The following GMDS variants were observed in gnomAD, a reference collection of about 807,000 sequenced individuals.
The protein encoded by GMDS is GDP-mannose 4,6-dehydratase.
In GMDS, 20 loss-of-function variants were observed where a neutral mutation model predicts 49.9. That is an observed-to-expected ratio of 0.40 (90% CI 0.28 to 0.58). GMDS has a LOEUF of 0.58. Ranked by LOEUF, GMDS falls within the 20% of genes least tolerant of loss-of-function variation. GMDS has a pLI of 0.42. For missense variants in GMDS, 362 were observed against 481.4 expected, an observed-to-expected ratio of 0.75 and a Z score of 2.32; for synonymous variants, 177 against 178.6, an observed-to-expected ratio of 0.99 and a Z score of 0.07.
chr6:2,234,045 G>A (rs143852322), intron 1 of GMDS, among the ~76,000 whole-genome samples: 24 of 152,276 alleles, frequency 1.6e-4, no homozygotes, highest in African/African-American at 5.5e-4. Flanking sequence ...TAGGGATACA[G>A]CAGTAAAATA....
chr6:2,158,256 A>G (rs896824733), intron 1 of GMDS, among the ~76,000 whole-genome samples: 5 of 152,184 alleles, frequency 3.3e-5, no homozygotes, highest in Non-Finnish European at 7.3e-5. Context: ...TTTAAAAACA[A>G]TAGCAAAATA....
chr6:2,117,910 C>T (rs1774935062), intron 2 of GMDS, among the ~76,000 whole-genome samples: 1 of 152,122 alleles, frequency 6.6e-6, no homozygotes, highest in Admixed American at 6.5e-5. Flanking sequence ...CATTCGAGGC[C>T]GTGTCGGTAA....
intron 4 of GMDS, among the ~76,000 whole-genome samples, chr6:2,008,169 T>C (rs1453477763): frequency 6.6e-6 from 1 of 152,216 alleles, no homozygotes; most frequent in Non-Finnish European, 1.5e-5. Flanking sequence ...AAATCATATC[T>C]TTCTCATCAT....
At chr6:1,675,319 AT>A (rs57418452) in intron 9 of GMDS, among the ~76,000 whole-genome samples, 78,533 of 146,070 alleles carry the variant, frequency 0.54, 20,579 homozygotes, top group East Asian at 0.6. Flanking sequence ...TAGTTCCAGG[AT>A]TTTTTTTTTT....
chr6:1,624,697 C>T (rs557109686), intron 9 of GMDS, 157 bp from the exon 10 acceptor site: 175 of 618,258 alleles, frequency 2.8e-4, no homozygotes, highest in Admixed American at 5.5e-4. Context: ...TCAGTTGCGG[C>T]TCTCGGCGCC....
At chr6:1,853,314 C>A (rs900708532) in intron 7 of GMDS, among the ~76,000 whole-genome samples, 1 of 151,152 alleles carries the variant, frequency 6.6e-6, no homozygotes, top group African/African-American at 2.4e-5. Flanking sequence ...GTCAGGAGAT[C>A]GAGACCATCC....
intron 4 of GMDS, among the ~76,000 whole-genome samples, chr6:2,085,447 C>A (rs1772956745): frequency 6.6e-6 from 1 of 152,084 alleles, no homozygotes; most frequent in Admixed American, 6.6e-5. Flanking sequence ...GTCTGTGCAC[C>A]TTACCTTACA....
rs2113166187 is a variant in GMDS at position 1,635,973 on chromosome 6, A to G, written c.988-11433T>C. On this transcript the variant is annotated intron_variant, in intron 9 of 10. Transcript: ENST00000380815. This position sits in a 1 kb window ranked among gnomAD's most constrained non-coding sequence, Gnocchi z 4.7. Reference sequence around the variant, plus strand: ...TCACAAGGCACTTTTCCTACGTCGCATTTCCAGAGTAACCTGCCACCGTGG... The same window carrying G: ...TCACAAGGCACTTTTCCTACGTCGCGTTTCCAGAGTAACCTGCCACCGTGG... 6.6e-6 allele frequency among the ~76,000 whole-genome samples: 1 copy of G among 152,208 alleles called. No homozygotes were observed. The highest frequency in any genetic ancestry group is 1.9e-4 in the East Asian group (1 of 5,180).
rs780438027 is a variant in GMDS, at chr6:1,745,363, TG to T, written c.772-2778del. Among the ~76,000 whole-genome samples the T allele has an allele frequency of 8.3e-4, 113 of 136,474 alleles. 1 individual carries two copies. The Middle Eastern group carries it at 0.011, about 14-fold the overall frequency. 89.5% of individuals were successfully genotyped at this position (136,474 alleles called of 152,430 possible). A position where few individuals can be genotyped will look rare whatever the true frequency, so the allele number is the denominator to read the frequency against. On this transcript the variant is annotated intron_variant, in intron 7 of 10. Coordinates refer to ENST00000380815, the MANE Select transcript of GMDS (RefSeq NM_001500.4). ...GAGAAACATGACTGTTGGCTACTGG[TG>T]GGTCACTTGGAGAAACTTGACTGTT... is the stretch of plus-strand genomic sequence containing the variant.
chr6:1,757,997 T>A (rs1468501040), intron 7 of GMDS, among the ~76,000 whole-genome samples: 2 of 152,206 alleles, frequency 1.3e-5, no homozygotes, highest in African/African-American at 4.8e-5. Context: ...CTGTCTTTTG[T>A]CCTCACAGGA....
intron 7 of GMDS, among the ~76,000 whole-genome samples, chr6:1,858,055 C>T (rs112966873): frequency 4.6e-4 from 70 of 152,112 alleles, no homozygotes; most frequent in African/African-American, 1.6e-3. Flanking sequence ...ATTATACTTA[C>T]GAAGATCTAT....
chr6:1,649,975 T>C (rs1047211089), intron 9 of GMDS, among the ~76,000 whole-genome samples: 8 of 152,232 alleles, frequency 5.3e-5, no homozygotes, highest in Middle Eastern at 3.2e-3. Flanking sequence ...GGCCAGTGAA[T>C]GTGCACCTTG....
chr6:1,869,578 A>G lies in GMDS; in HGVS notation c.771+60525T>C, dbSNP rs371181940. On this transcript the variant is annotated intron_variant, in intron 7 of 10. Coordinates refer to ENST00000380815, the MANE Select transcript of GMDS (RefSeq NM_001500.4). ...AACTGTTGATCTGCATAAGAACCAC[A>G]GCCTTCAGATATTCAGGCAGTTTCT... Among the ~76,000 whole-genome samples the G allele has an allele frequency of 1.2e-3, 182 of 152,372 alleles. 6 individuals are homozygous for G. In the South Asian group the frequency reaches 0.033, roughly 28 times the overall value.
intron 4 of GMDS, among the ~76,000 whole-genome samples, chr6:1,977,438 A>G (rs1313215225): frequency 6.6e-6 from 1 of 152,172 alleles, no homozygotes; most frequent in Non-Finnish European, 1.5e-5. Context: ...AGGAAAACCA[A>G]CATTCAATGT....
intron 1 of GMDS, among the ~76,000 whole-genome samples, chr6:2,132,524 C>G (rs1333252927): frequency 6.6e-6 from 1 of 152,130 alleles, no homozygotes; most frequent in African/African-American, 2.4e-5. Flanking sequence ...AGAATAATAA[C>G]CAGGTAACCT....
At chr6:2,133,864 G>A (rs1055488651) in intron 1 of GMDS, among the ~76,000 whole-genome samples, 4 of 152,132 alleles carry the variant, frequency 2.6e-5, no homozygotes, top group East Asian at 1.9e-4. Flanking sequence ...TTAAGTCACC[G>A]GAGGCAAGGA....
intron 4 of GMDS, among the ~76,000 whole-genome samples, chr6:2,043,008 C>T (rs1769775909): frequency 6.6e-6 from 1 of 152,152 alleles, no homozygotes; most frequent in Admixed American, 6.5e-5. Context: ...ATAAAGACAG[C>T]ACTATGGCTA....
At chr6:2,077,650 T>C (rs948752649) in intron 4 of GMDS, among the ~76,000 whole-genome samples, 3 of 152,154 alleles carry the variant, frequency 2.0e-5, no homozygotes, top group Non-Finnish European at 2.9e-5. Context: ...TTGTGGTGTA[T>C]TATCTTTTCA....
At chr6:2,185,838 G>A (rs962707525) in intron 1 of GMDS, among the ~76,000 whole-genome samples, 1 of 152,132 alleles carries the variant, frequency 6.6e-6, no homozygotes, top group Non-Finnish European at 1.5e-5. Flanking sequence ...GGCTGGGGCT[G>A]CACCCTGAGT....
Sources: allele counts gnomAD v4.1 joint callset (sites outside exome capture counted in the v4.1 genomes callset), GRCh38; gene constraint gnomAD v4.1.1; non-coding constraint Gnocchi (gnomAD v3.1); transcripts MANE v1.5; gene names NCBI Gene and HGNC (gene_info 2026-07-23, HGNC 2026-07-21).